DMD: variants seen among roughly 807,000 people sequenced by gnomAD.
DMD encodes the protein dystrophin, also known as mutant dystrophin.
DMD carries 63 observed loss-of-function variants against 330.1 expected under a neutral mutation model. That is an observed-to-expected ratio of 0.19 (90% confidence interval 0.16 to 0.24). The LOEUF (loss-of-function observed/expected upper bound fraction) is 0.24, where lower values mean the gene tolerates loss of function less well. Ranked by LOEUF, DMD falls within the 10% of genes least tolerant of loss-of-function variation. The probability of loss-of-function intolerance (pLI) is 1.00; values close to 1 mark genes in which losing one functional copy is unlikely to be tolerated. For synonymous variants in DMD, 1,223 were observed against 959.8 expected (o/e 1.27, Z -5.07); for missense variants, 3,344 against 2,684.1 (o/e 1.25, Z -5.43).
chrX:32,458,488 T>A (rs766890499), intron 25 of DMD, among the ~76,000 whole-genome samples: 2 of 111,627 alleles, frequency 1.8e-5, no homozygotes, highest in African/African-American at 6.5e-5. Flanking sequence ...ATCCTGATTT[T>A]ATTTCCTTTG....
chrX:32,976,082 G>A (rs1464454636), intron 2 of DMD, among the ~76,000 whole-genome samples: 9 of 111,419 alleles, frequency 8.1e-5, no homozygotes, highest in Non-Finnish European at 3.8e-5. Flanking sequence ...TTAGCTGGGT[G>A]TGGTGGCGCA....
chrX:31,983,905 G>A (rs1218601373), intron 44 of DMD, among the ~76,000 whole-genome samples: 1 of 111,357 alleles, frequency 9.0e-6, no homozygotes, highest in African/African-American at 3.3e-5. Context: ...AAGTTGTCCT[G>A]CAGATAAAGG....
intron 57 of DMD, among the ~76,000 whole-genome samples, chrX:31,483,038 ATC>A (rs1382721427): frequency 8.6e-5 from 8 of 92,950 alleles, no homozygotes; most frequent in Non-Finnish European, 1.5e-4. Context: ...AAGGAAATGG[ATC>A]TTTTTTTTTT....
chrX:32,514,746 T>C (rs2045692307), intron 18 of DMD, among the ~76,000 whole-genome samples: 1 of 112,217 alleles, frequency 8.9e-6, no homozygotes, highest in Non-Finnish European at 1.9e-5. Flanking sequence ...CTCAAAAAAA[T>C]AATCTTATTA....
intron 44 of DMD, among the ~76,000 whole-genome samples, chrX:32,016,535 C>A (rs1474049157): frequency 9.0e-6 from 1 of 110,758 alleles, no homozygotes; most frequent in Non-Finnish European, 1.9e-5. Flanking sequence ...CACTTCCTAG[C>A]AGTGCCTGGC....
At chrX:32,211,636 A>C (rs2097094053) in intron 44 of DMD, among the ~76,000 whole-genome samples, 1 of 111,839 alleles carries the variant, frequency 8.9e-6, no homozygotes, top group South Asian at 3.7e-4. Context: ...ACATTTGTTG[A>C]TTTAAAGCCT....
At chrX:32,386,507 T>A in intron 32 of DMD, 42 bp from the exon 33 acceptor site, 1 of 1,074,708 alleles carries the variant, frequency 9.3e-7, no homozygotes, top group Non-Finnish European at 1.3e-6. Flanking sequence ...TCAGTAGAGT[T>A]AAATTATTTC....
intron 55 of DMD, among the ~76,000 whole-genome samples, chrX:31,517,072 A>G (rs1343320143): frequency 8.9e-6 from 1 of 111,773 alleles, no homozygotes; most frequent in Non-Finnish European, 1.9e-5. Context: ...TTTCTCATCT[A>G]CGTCTTGTTT....
At chrX:32,132,993 C>CTTTTCTTTTTTTTTTTTTTTTTTT (rs2096705124) in intron 44 of DMD, among the ~76,000 whole-genome samples, 3 of 76,002 alleles carry the variant, frequency 3.9e-5, no homozygotes, top group African/African-American at 2.1e-4. Flanking sequence ...CTTTTCTTTT[C>CTTTTCTTTTTTTTTTTTTTTTTTT]TTTTTTTTTT....
intron 17 of DMD, 121 bp from the exon 18 acceptor site, chrX:32,518,252 T>C: frequency 1.4e-6 from 1 of 696,920 alleles, no homozygotes; most frequent in East Asian, 3.5e-5. Context: ...CTGACACCTC[T>C]ATTAGTATTA....
intron 44 of DMD, among the ~76,000 whole-genome samples, chrX:32,039,269 C>A (rs968751314): frequency 9.0e-6 from 1 of 111,217 alleles, no homozygotes; most frequent in Non-Finnish European, 1.9e-5. Flanking sequence ...TCTCAATGGC[C>A]TCATGAGAAG....
chrX:31,337,740 T>C (rs1056572246), intron 61 of DMD, among the ~76,000 whole-genome samples: 2 of 111,944 alleles, frequency 1.8e-5, no homozygotes, highest in African/African-American at 6.5e-5. Flanking sequence ...TTCAGAACTC[T>C]GGTGCTGGTC....
At chrX:32,342,879 C>A in intron 40 of DMD, 1 of 421,008 alleles carries the variant, frequency 2.4e-6, no homozygotes, top group Non-Finnish European at 4.3e-6. Context: ...AAGTCAATTA[C>A]AATTTTACCA....
intron 1 of DMD, among the ~76,000 whole-genome samples, chrX:33,026,412 T>C (rs1052711723): frequency 1.4e-4 from 15 of 106,896 alleles, no homozygotes; most frequent in Non-Finnish European, 2.3e-4. Context: ...GTCTATTCTC[T>C]GCTTCCATCA....
At chrX:31,459,586 A>G (rs947730733) in intron 59 of DMD, among the ~76,000 whole-genome samples, 12 of 111,825 alleles carry the variant, frequency 1.1e-4, no homozygotes, top group African/African-American at 3.6e-4. Flanking sequence ...GGAAAACCAA[A>G]CTTCTAAAAA....
chrX:32,501,403 G>C (rs748119773), intron 19 of DMD, among the ~76,000 whole-genome samples: 1 of 111,711 alleles, frequency 9.0e-6, no homozygotes, highest in East Asian at 2.8e-4. Context: ...AAAATCAGAT[G>C]ATGATCAGTT....
At chrX:32,925,153 T>G (rs931716250) in intron 2 of DMD, among the ~76,000 whole-genome samples, 1 of 90,139 alleles carries the variant, frequency 1.1e-5, no homozygotes, top group Non-Finnish European at 2.1e-5. Context: ...GGGTTTTTTT[T>G]TTTTTTTTTT....
intron 55 of DMD, among the ~76,000 whole-genome samples, chrX:31,620,937 TTTA>T (rs1282234370): frequency 1.8e-5 from 2 of 111,952 alleles, no homozygotes; most frequent in Non-Finnish European, 3.8e-5. Flanking sequence ...TGTAATATAA[TTTA>T]TTTCTATGGC....
chrX:32,468,812 G>C, intron 22 of DMD, 102 bp from the exon 23 acceptor site: 2 of 655,122 alleles, frequency 3.1e-6, no homozygotes, highest in Non-Finnish European at 2.4e-6. Context: ...ATTCAAACAT[G>C]TAAACAAAGT....
Sources: gnomAD v4.1 joint callset for allele counts (sites outside exome capture counted in the v4.1 genomes callset) on GRCh38, gnomAD v4.1.1 for gene constraint, MANE v1.5 for transcripts, NCBI Gene and HGNC (gene_info 2026-07-23, HGNC 2026-07-21) for gene names.